Variants in GAS7 observed in about 807,000 individuals in gnomAD.
GAS7 encodes growth arrest-specific protein 7.
In GAS7, 28 loss-of-function variants were observed where a neutral mutation model predicts 71.1. That is an observed-to-expected ratio of 0.39 (90% CI 0.29 to 0.54). GAS7 has a LOEUF of 0.54. Ranked by LOEUF, GAS7 falls within the 20% of genes least tolerant of loss-of-function variation. GAS7 has a pLI of 0.62. For missense variants in GAS7, 436 were observed against 627.8 expected, an observed-to-expected ratio of 0.69 and a Z score of 3.27; for synonymous variants, 258 against 245.8, an observed-to-expected ratio of 1.05 and a Z score of -0.46.
At chr17:10,163,460 G>A (rs2074271414) in intron 1 of GAS7, among the ~76,000 whole-genome samples, 1 of 151,436 alleles carries the variant, frequency 6.6e-6, no homozygotes, top group Non-Finnish European at 1.5e-5. Flanking sequence ...AAAAAAGAAA[G>A]GGAAACATAG....
At chr17:10,075,692 G>A (rs1257841776) in intron 1 of GAS7, among the ~76,000 whole-genome samples, 3 of 151,926 alleles carry the variant, frequency 2.0e-5, no homozygotes, top group South Asian at 2.1e-4. Context: ...CTACTCAGGA[G>A]GCTGAAGAAG....
intron 1 of GAS7, among the ~76,000 whole-genome samples, chr17:10,025,081 A>G (rs2072415630): frequency 6.6e-6 from 1 of 152,172 alleles, no homozygotes; most frequent in Non-Finnish European, 1.5e-5. Context: ...CCAGTGTGGC[A>G]CGGTTAATGG....
chr17:10,145,413 C>G (rs2074114026), intron 1 of GAS7, among the ~76,000 whole-genome samples: 1 of 152,170 alleles, frequency 6.6e-6, no homozygotes, highest in Non-Finnish European at 1.5e-5. Flanking sequence ...TGTGTAAGAC[C>G]CGAAGAGCTC....
At position 10,099,263 on chromosome 17, in the gene GAS7, C is replaced by G. The variant is rs183309003; in HGVS notation, c.184-79366G>C. Reference sequence around the variant, plus strand: ...ACCAAACAGCGCCTGTTCCACCAGCCCACTGCTAAGCTTAGGGTGCATTCC... The same window carrying G: ...ACCAAACAGCGCCTGTTCCACCAGCGCACTGCTAAGCTTAGGGTGCATTCC... On this transcript the variant is annotated intron_variant, in intron 1 of 13. Transcript: ENST00000432992. 1.4e-4 allele frequency among the ~76,000 whole-genome samples: 22 copies of G among 152,272 alleles called. No homozygotes were observed. In the East Asian group the frequency reaches 2.3e-3, roughly 16 times the overall value.
rs767596280 is a variant in GAS7 at position 10,198,320 on chromosome 17, G to A, written c.71C>T (p.Ala24Val). ...CAGCAGCGTGATCAGCTCGCCCGCG[G>A]CGAAGCGCAGCCCCTGGCCGTGCCG... ...GERHGQGLRF[A>V]AGELITLLQV... Residue 24 changes from alanine (A) to valine (V), a missense_variant, in exon 1 of 14, where the codon GCC (alanine) becomes GTC (valine). Physicochemically the swap from Ala to Val is moderately conservative, Grantham distance 64 (BLOSUM62 0). Transcript: ENST00000432992. The A allele has an allele frequency of 3.7e-6, 6 of 1,601,586 alleles. No individual in the cohort carries two copies. The highest frequency in any genetic ancestry group is 1.3e-5 in the African/African-American group (1 of 74,870).
chr17:9,926,805 G>C lies in GAS7; in HGVS notation c.886-36C>G. ...AGTAGAGACGCACACTCAGGACCCA[G>C]GGCATCAGCTGTAAGCCAGTGCAGG... is the stretch of plus-strand genomic sequence containing the variant. On this transcript the variant is annotated intron_variant, in intron 9 of 13. Coordinates refer to ENST00000432992, the MANE Select transcript of GAS7 (RefSeq NM_201433.2). The surrounding 1 kb of genome is among the most constrained non-coding windows in gnomAD (Gnocchi z 5.0). 1 of 1,613,114 alleles carries C rather than the reference G, an allele frequency of 6.2e-7. No homozygotes were observed. Among genetic ancestry groups the C allele is most frequent in the Middle Eastern group, 1.7e-4 (1 of 6,058 alleles).
chr17:10,119,183 T>C (rs914772378), intron 1 of GAS7, among the ~76,000 whole-genome samples: 3 of 152,182 alleles, frequency 2.0e-5, no homozygotes, highest in Non-Finnish European at 4.4e-5. Flanking sequence ...TTCTAAAGAA[T>C]GTCAGAAGGT....
rs145053885 is a variant in GAS7 at position 10,103,554 on chromosome 17, G to A, written c.184-83657C>T. Among the ~76,000 whole-genome samples the A allele has an allele frequency of 2.7e-3, 408 of 150,710 alleles. 10 individuals are homozygous for A. In the East Asian group the frequency reaches 0.05, roughly 19 times the overall value. The stretch of plus-strand genomic sequence containing the variant: ...AGATAGGAACAACCCGGCCAGGCGC[G>A]ATGGCTCCCACCTGTAATCCCAGCA... On this transcript the variant is annotated intron_variant, in intron 1 of 13. Coordinates refer to ENST00000432992, the MANE Select transcript of GAS7 (RefSeq NM_201433.2). The surrounding 1 kb of genome is among the most constrained non-coding windows in gnomAD (Gnocchi z 5.5).
intron 1 of GAS7, among the ~76,000 whole-genome samples, chr17:10,122,467 AAAGGCCCCCTGGG>A (rs1395270568): frequency 6.6e-6 from 1 of 152,170 alleles, no homozygotes; most frequent in Non-Finnish European, 1.5e-5. Context: ...ACAAAGCGAG[AAAGGCCCCCTGGG>A]ACCCGACTCA....
chr17:10,005,148 TGCATGCATGTGTGTGC>T (rs1567879887), intron 2 of GAS7, among the ~76,000 whole-genome samples: 18 of 72,712 alleles, frequency 2.5e-4, no homozygotes, highest in South Asian at 1.4e-3. Flanking sequence ...CGCGCACGCA[TGCATGCATGTGTGTGC>T]GCACGCATGC....
At chr17:10,043,633 G>A (rs1031416973) in intron 1 of GAS7, among the ~76,000 whole-genome samples, 1 of 152,154 alleles carries the variant, frequency 6.6e-6, no homozygotes, top group South Asian at 2.1e-4. Flanking sequence ...AATCATAAGG[G>A]GCCGGGCACA....
chr17:9,999,891 AT>A (rs2152161392), intron 2 of GAS7, among the ~76,000 whole-genome samples: 1 of 151,906 alleles, frequency 6.6e-6, no homozygotes, highest in South Asian at 2.1e-4. Context: ...TCCTTGGGAA[AT>A]TGCAGGAGGT....
chr17:10,009,126 C>T (rs2071654301), intron 2 of GAS7, among the ~76,000 whole-genome samples: 1 of 151,518 alleles, frequency 6.6e-6, no homozygotes, highest in South Asian at 2.1e-4. Context: ...CGAGACCATC[C>T]CGGCTAAAAC....
chr17:10,124,901 G>C (rs1329852076), intron 1 of GAS7, among the ~76,000 whole-genome samples: 1 of 151,988 alleles, frequency 6.6e-6, no homozygotes, highest in Non-Finnish European at 1.5e-5. Context: ...CTGGGTGACA[G>C]AGTGAGAATC....
chr17:10,126,865 C>T (rs975058918), intron 1 of GAS7, among the ~76,000 whole-genome samples: 3 of 152,200 alleles, frequency 2.0e-5, no homozygotes, highest in South Asian at 2.1e-4. Flanking sequence ...CCAGCTCTGC[C>T]GCTTAAGCTG....
intron 1 of GAS7, among the ~76,000 whole-genome samples, chr17:10,085,450 G>A (rs1290312896): frequency 5.9e-5 from 9 of 152,118 alleles, no homozygotes; most frequent in South Asian, 2.1e-4. Context: ...TTGGGAGGCC[G>A]AGGCGGGCGG....
At position 10,026,622 on chromosome 17, in the gene GAS7, C is replaced by G. The variant is rs2072470401; in HGVS notation, c.184-6725G>C. 6.6e-6 allele frequency among the ~76,000 whole-genome samples: 1 copy of G among 152,188 alleles called. No homozygotes were observed. Among genetic ancestry groups the G allele is most frequent in the Non-Finnish European group, 1.5e-5 (1 of 68,040 alleles). On this transcript the variant is annotated intron_variant, in intron 1 of 13. Coordinates refer to ENST00000432992, the MANE Select transcript of GAS7 (RefSeq NM_201433.2). The surrounding 1 kb of genome is among the most constrained non-coding windows in gnomAD (Gnocchi z 4.5). The stretch of plus-strand genomic sequence containing the variant: ...GAGTGGCCCCACTGCCAGCTCTGCA[C>G]TCCTCAGGGAGTCAACCAATTACTA...
chr17:9,940,980 G>A (rs923644290), intron 7 of GAS7, among the ~76,000 whole-genome samples: 4 of 152,210 alleles, frequency 2.6e-5, no homozygotes, highest in South Asian at 2.1e-4. Flanking sequence ...CCCAGGCTTC[G>A]GAGAGCCCCT....
Position 9,968,953 on chromosome 17 carries a change from A to G in GAS7, c.471+724T>C, listed in dbSNP as rs146171072. Among the ~76,000 whole-genome samples the G allele has an allele frequency of 2.0e-5, 3 of 152,286 alleles. No homozygotes were observed. In the East Asian group the frequency reaches 5.8e-4, roughly 29 times the overall value. Reference sequence around the variant, plus strand: ...AAGCTTCATTAAGAACATCTTCTTGATAATTTATGGGTAGACTAAATAAGG... The same window carrying G: ...AAGCTTCATTAAGAACATCTTCTTGGTAATTTATGGGTAGACTAAATAAGG... On this transcript the variant is annotated intron_variant, in intron 4 of 13. Coordinates refer to ENST00000432992, the MANE Select transcript of GAS7 (RefSeq NM_201433.2).
Sources: gnomAD v4.1 joint callset for allele counts (sites outside exome capture counted in the v4.1 genomes callset) on GRCh38, gnomAD v4.1.1 for gene constraint, Gnocchi (gnomAD v3.1) non-coding constraint, MANE v1.5 for transcripts, NCBI Gene and HGNC (gene_info 2026-07-23, HGNC 2026-07-21) for gene names.